ZNF385C: variants seen among roughly 807,000 people sequenced by gnomAD.
The protein encoded by ZNF385C is CTD-2132N18.2.
Under a neutral mutation model 35.4 loss-of-function variants are expected in ZNF385C, and 28 were observed. The observed-to-expected ratio is 0.79, with a 90% CI of 0.59 to 1.08. The LOEUF (loss-of-function observed/expected upper bound fraction) is 1.08. Ranked by LOEUF, ZNF385C falls within the 50% of genes least tolerant of loss-of-function variation. The probability of loss-of-function intolerance (pLI) is 0.00; values close to 1 mark genes in which losing one functional copy is unlikely to be tolerated. For missense variants in ZNF385C, 605 were observed against 595.6 expected (o/e 1.02, Z -0.16); for synonymous variants, 248 against 248.2 (o/e 1.00, Z 0.01).
At chr17:42,063,538 AAAAAC>A (rs1174296627) in intron 1 of ZNF385C, among the ~76,000 whole-genome samples, 1 of 152,182 alleles carries the variant, frequency 6.6e-6, no homozygotes, top group East Asian at 1.9e-4. Flanking sequence ...TTCAGAAAGA[AAAAAC>A]AAACAAAAAA....
rs782747386 is a variant in ZNF385C, at chr17:42,027,644, C to T, written c.1249G>A (p.Ala417Thr). The part of the protein sequence containing the change: ...SSQHSKLQKH[A>T]ALAVSILKSK... ...TTGAGGATACTCACAGCCAGCGCTG[C>T]GTGCTTCTGCAGCTTGCTGTGCTGG... is the stretch of plus-strand genomic sequence containing the variant. The change falls in exon 8 of 9, where the codon GCA (alanine) becomes ACA (threonine). Residue 417 changes from alanine to threonine, a missense_variant. Ala to Thr is a moderately conservative substitution (Grantham distance 58). Coordinates refer to ENST00000692273, the MANE Select transcript of ZNF385C (RefSeq NM_001392013.1). 7.5e-6 allele frequency: 12 copies of T among 1,600,254 alleles called. No individual in the cohort carries two copies. The highest frequency in any genetic ancestry group is 1.1e-5 in the South Asian group (1 of 90,278).
At chr17:42,041,826 C>T (rs1445094917) in intron 2 of ZNF385C, among the ~76,000 whole-genome samples, 2 of 152,136 alleles carry the variant, frequency 1.3e-5, no homozygotes, top group Non-Finnish European at 2.9e-5. Context: ...GACAGAGCTG[C>T]AATTTGCATG....
chr17:42,085,532 C>T (rs948651654), intron 1 of ZNF385C, among the ~76,000 whole-genome samples: 3 of 151,350 alleles, frequency 2.0e-5, no homozygotes, highest in Non-Finnish European at 2.9e-5. Flanking sequence ...GCAATCTGCC[C>T]GCCTCAGCCT....
At position 42,026,795 on chromosome 17, in the gene ZNF385C, G is replaced by A; in HGVS notation, c.*102C>T. On this transcript the variant is annotated 3_prime_UTR_variant, in exon 9 of 9. Coordinates refer to ENST00000692273, the MANE Select transcript of ZNF385C (RefSeq NM_001392013.1). ...TTCTGGATCGGGCAGGACCCCTGAA[G>A]CTGTTCACAGTCCCTGTGGCATGTA... The A allele has an allele frequency of 8.7e-7, 1 of 1,155,944 alleles. No homozygotes were observed. 71.6% of individuals were successfully genotyped at this position (1,155,944 alleles called of 1,614,324 possible). A position where few individuals can be genotyped will look rare whatever the true frequency, so the allele number is the denominator to read the frequency against.
intron 7 of ZNF385C, 111 bp downstream of exon 7, chr17:42,027,917 GGCCTGCTGGCCTCGCTTCTCCA>G: frequency 2.3e-6 from 3 of 1,288,492 alleles, no homozygotes; most frequent in Non-Finnish European, 3.3e-6. Flanking sequence ...TTGGCCCACT[GGCCTGCTGGCCTCGCTTCTCCA>G]GCCTGCTCTG....
At chr17:42,077,576 T>C (rs1287268943) in intron 1 of ZNF385C, among the ~76,000 whole-genome samples, 1 of 151,862 alleles carries the variant, frequency 6.6e-6, no homozygotes, top group Non-Finnish European at 1.5e-5. Flanking sequence ...AGATAAGAGG[T>C]GGTTAAAAGA....
rs373062775 is a variant in ZNF385C, at chr17:42,087,890, A to C, written c.-3+10520T>G. Among the ~76,000 whole-genome samples, 3 of 152,342 alleles carry C rather than the reference A, an allele frequency of 2.0e-5. No individual in the cohort carries two copies. In the East Asian group the frequency reaches 5.8e-4, roughly 29 times the overall value. ...CAGCCAAATTTTGATGTCCTTTTGCACATACTGAACCCCCACTACCTATAT... is the reference window on the plus strand; with the variant it reads ...CAGCCAAATTTTGATGTCCTTTTGCCCATACTGAACCCCCACTACCTATAT... On this transcript the variant is annotated intron_variant, in intron 1 of 8. Coordinates refer to ENST00000692273, the MANE Select transcript of ZNF385C (RefSeq NM_001392013.1).
At chr17:42,084,559 G>A (rs554515546) in intron 1 of ZNF385C, among the ~76,000 whole-genome samples, 5 of 151,932 alleles carry the variant, frequency 3.3e-5, no homozygotes, top group East Asian at 3.9e-4. Flanking sequence ...TAATATAAAC[G>A]TTTCACAATT....
rs548230690 is a variant in ZNF385C at position 42,048,331 on chromosome 17, G to A, written c.251-10446C>T. ...AGGTGGGAGGACTGCTTGAGCCCATGAGTTTGAGACCAGCCTGGGCAACAT... is the reference window on the plus strand; with the variant it reads ...AGGTGGGAGGACTGCTTGAGCCCATAAGTTTGAGACCAGCCTGGGCAACAT... On this transcript the variant is annotated intron_variant, in intron 2 of 8. Transcript: ENST00000692273. Among the ~76,000 whole-genome samples the A allele has an allele frequency of 4.1e-5, 6 of 147,976 alleles. No homozygotes were observed. In the South Asian group the frequency reaches 1.3e-3, roughly 32 times the overall value.
Position 42,086,570 on chromosome 17 carries a change from C to T in ZNF385C, c.-3+11840G>A, listed in dbSNP as rs545495642. 8.6e-5 allele frequency among the ~76,000 whole-genome samples: 13 copies of T among 151,452 alleles called. No individual in the cohort carries two copies. In the South Asian group the frequency reaches 2.1e-3, roughly 24 times the overall value. ...TACAAAAATTAGCCAGCCATGGTGG[C>T]GTGCGCCTGTCATTCCAGCTACTTG... On this transcript the variant is annotated intron_variant, in intron 1 of 8. Coordinates refer to ENST00000692273, the MANE Select transcript of ZNF385C (RefSeq NM_001392013.1).
chr17:42,049,012 G>T (rs558146669), intron 2 of ZNF385C, among the ~76,000 whole-genome samples: 59 of 151,622 alleles, frequency 3.9e-4, no homozygotes, highest in Non-Finnish European at 6.6e-4. Flanking sequence ...GCCAGTGCCA[G>T]AATTCCTTTG....
intron 1 of ZNF385C, among the ~76,000 whole-genome samples, chr17:42,091,659 C>T (rs1555660573): frequency 6.6e-6 from 1 of 152,208 alleles, no homozygotes; most frequent in African/African-American, 2.4e-5. Flanking sequence ...TCCACCCCCA[C>T]ACCTCATCTT....
chr17:42,081,287 G>C (rs2053746241), intron 1 of ZNF385C, among the ~76,000 whole-genome samples: 2 of 152,160 alleles, frequency 1.3e-5, no homozygotes, highest in South Asian at 4.1e-4. Context: ...GTCAGACCTG[G>C]CTGACCTGAG....
chr17:42,042,985 A>C (rs1598186439), intron 2 of ZNF385C: 3 of 1,232,340 alleles, frequency 2.4e-6, no homozygotes, highest in Non-Finnish European at 3.0e-6. Context: ...AGTAGTCAGC[A>C]CAGCCACTTT....
chr17:42,028,725 G>C (rs2052656599), intron 6 of ZNF385C, 58 bp downstream of exon 6: 1 of 1,505,760 alleles, frequency 6.6e-7, no homozygotes. Flanking sequence ...CCCTCATCTG[G>C]CGAGGCTTAG....
chr17:42,028,112 T>G lies in ZNF385C; in HGVS notation c.1102A>C (p.Ser368Arg). 6.2e-7 allele frequency: 1 copy of G among 1,613,316 alleles called. No homozygotes were observed. The highest frequency in any genetic ancestry group is 8.5e-7 in the Non-Finnish European group (1 of 1,179,774). ...TGGRGGRQGP[S>R]PAFHCALCQL... ...CAGAGAGCACAGTGGAAGGCAGGGC[T>G]GGGCCCCTGCCGGCCGCCCCGGCCC... is the stretch of plus-strand genomic sequence containing the variant. Residue 368 changes from serine (S) to arginine (R), a missense_variant, in exon 7 of 9, where the codon AGC becomes CGC. Ser to Arg is a moderately radical substitution (Grantham distance 110, BLOSUM62 -1). Coordinates refer to ENST00000692273, the MANE Select transcript of ZNF385C (RefSeq NM_001392013.1).
intron 2 of ZNF385C, among the ~76,000 whole-genome samples, chr17:42,053,848 A>G (rs1442755558): frequency 6.6e-6 from 1 of 152,018 alleles, no homozygotes; most frequent in Non-Finnish European, 1.5e-5. Flanking sequence ...ACCCAAGAGC[A>G]TTCTCTGCCT....
At position 42,043,440 on chromosome 17, in the gene ZNF385C, C is replaced by G. The variant is rs868975948; in HGVS notation, c.251-5555G>C. ...AATGCTCTTGCCCCCCTGCCTCCCC[C>G]ACACACAGGCACCTCCCTTGACAAG... On this transcript the variant is annotated intron_variant, in intron 2 of 8. Transcript: ENST00000692273. 109 of 1,206,626 alleles carry G rather than the reference C, an allele frequency of 9.0e-5. No homozygotes were observed. In the Middle Eastern group the frequency reaches 9.5e-4, roughly 10 times the overall value. The allele number at this position is 1,206,626 out of a possible 1,614,324, so 74.7% of individuals were successfully genotyped here.
At chr17:42,068,242 C>T (rs2053575844) in intron 1 of ZNF385C, among the ~76,000 whole-genome samples, 1 of 152,130 alleles carries the variant, frequency 6.6e-6, no homozygotes, top group Admixed American at 6.5e-5. Context: ...AACCCTGGCC[C>T]CTACTCAGAG....
Sources: gnomAD v4.1 joint callset for allele counts (sites outside exome capture counted in the v4.1 genomes callset) on GRCh38, gnomAD v4.1.1 for gene constraint, MANE v1.5 for transcripts, NCBI Gene and HGNC (gene_info 2026-07-23, HGNC 2026-07-21) for gene names.